Variants in MYO1B observed in about 807,000 individuals in gnomAD.
The protein encoded by MYO1B is myosin IB.
Under a neutral mutation model 159.7 loss-of-function variants are expected in MYO1B, and 72 were observed. The ratio of observed to expected loss-of-function variants is 0.45; its 90% CI spans 0.37 to 0.55. MYO1B has a LOEUF of 0.55. Among genes scored for constraint, MYO1B ranks in the 20% least tolerant of loss-of-function variants. MYO1B has a pLI of 0.00. For synonymous variants in MYO1B, 468 were observed against 473.8 expected (o/e 0.99, Z 0.16); for missense variants, 1,062 against 1,364.8 (o/e 0.78, Z 3.50).
Position 191,364,274 on chromosome 2 carries a change from C to T in MYO1B, c.1030C>T (p.Gln344Ter). The T allele has an allele frequency of 6.2e-7, 1 of 1,609,618 alleles. No homozygotes were observed. The highest frequency in any genetic ancestry group is 8.5e-7 in the Non-Finnish European group (1 of 1,176,028). ...EKVSTTLNVA[Q>*]AYYARDALAK... The stretch of plus-strand genomic sequence containing the variant: ...AGTTTCAACTACACTGAATGTGGCT[C>T]AGGTGGGTGAAACATAATGTACAGA... Residue 344 changes from glutamine to a stop codon, truncating the protein, a stop_gained and splice_region_variant, in exon 11 of 31, where the codon CAG (glutamine) becomes TAG (stop). Coordinates refer to ENST00000392318, the MANE Select transcript of MYO1B (RefSeq NM_001130158.3). LOFTEE classifies it high-confidence loss of function.
At chr2:191,414,344 C>G (rs919832267) in intron 28 of MYO1B, among the ~76,000 whole-genome samples, 164 bp downstream of exon 28, 4 of 152,152 alleles carry the variant, frequency 2.6e-5, no homozygotes, top group African/African-American at 9.7e-5. Context: ...TGCTTGTTCT[C>G]TGACATTTTT....
chr2:191,267,532 A>T (rs1687213471), intron 1 of MYO1B, among the ~76,000 whole-genome samples: 1 of 152,196 alleles, frequency 6.6e-6, no homozygotes, highest in Non-Finnish European at 1.5e-5. Flanking sequence ...GGTGAGGTAA[A>T]TGCCATGAAT....
chr2:191,316,511 T>G (rs1022333118), intron 3 of MYO1B, among the ~76,000 whole-genome samples: 1 of 152,198 alleles, frequency 6.6e-6, no homozygotes, highest in Non-Finnish European at 1.5e-5. Flanking sequence ...AGTGAGTGTG[T>G]GTGTGTGTAT....
At chr2:191,364,825 G>A (rs751872872) in intron 11 of MYO1B, among the ~76,000 whole-genome samples, 4 of 150,386 alleles carry the variant, frequency 2.7e-5, no homozygotes, top group Non-Finnish European at 5.9e-5. Context: ...TTATTAGAGG[G>A]TAGAGGCTAC....
chr2:191,397,753 T>C (rs1273909410), intron 21 of MYO1B, among the ~76,000 whole-genome samples: 4 of 143,136 alleles, frequency 2.8e-5, no homozygotes, highest in Non-Finnish European at 6.1e-5. Flanking sequence ...GGCTCCTCAC[T>C]TCCCAGTAGG....
At chr2:191,379,713 T>C (rs1694929869) in intron 13 of MYO1B, among the ~76,000 whole-genome samples, 1 of 152,146 alleles carries the variant, frequency 6.6e-6, no homozygotes, top group African/African-American at 2.4e-5. Context: ...AAAGATCTGC[T>C]CTTATAAGTT....
At chr2:191,419,594 A>G (rs1697810910) in intron 30 of MYO1B, among the ~76,000 whole-genome samples, 1 of 152,270 alleles carries the variant, frequency 6.6e-6, no homozygotes, top group South Asian at 2.1e-4. Context: ...AGCCTCGGGC[A>G]GGTCCTTAAG....
In MYO1B at chr2:191,254,091, A is replaced by G. The variant is rs891842229; in HGVS notation, c.-10+8465A>G. Among the ~76,000 whole-genome samples the G allele has an allele frequency of 3.9e-5, 6 of 152,326 alleles. No homozygotes were observed. In the Middle Eastern group the frequency reaches 0.01, roughly 259 times the overall value. On this transcript the variant is annotated intron_variant, in intron 1 of 30. Transcript: ENST00000392318. ...TGTATTTGTTTATAAATAGTTCTTG[A>G]TTGATCAAGTTCACATCTAAACCTG...
chr2:191,361,000 A>AT (rs1693635776), intron 8 of MYO1B, among the ~76,000 whole-genome samples: 1 of 152,116 alleles, frequency 6.6e-6, no homozygotes, highest in African/African-American at 2.4e-5. Flanking sequence ...TCTTAAGAAT[A>AT]TTTTTTATGA....
chr2:191,405,766 G>A (rs1043899759), intron 24 of MYO1B, among the ~76,000 whole-genome samples: 1 of 152,248 alleles, frequency 6.6e-6, no homozygotes, highest in Non-Finnish European at 1.5e-5. Context: ...GTAAGCAGAT[G>A]TGCTGTCATC....
At chr2:191,401,464 C>CT (rs1190677909) in intron 23 of MYO1B, 1 of 152,166 alleles carries the variant, frequency 6.6e-6, no homozygotes, top group Admixed American at 6.5e-5. Flanking sequence ...AAACAAAGGC[C>CT]TCCTGAAATA....
intron 2 of MYO1B, among the ~76,000 whole-genome samples, chr2:191,292,577 C>T (rs1185118350): frequency 6.6e-6 from 1 of 152,126 alleles, no homozygotes; most frequent in Non-Finnish European, 1.5e-5. Context: ...GCTTCAGAGA[C>T]AATAGATTGT....
At chr2:191,323,782 A>G (rs903295595) in intron 3 of MYO1B, among the ~76,000 whole-genome samples, 2 of 152,118 alleles carry the variant, frequency 1.3e-5, no homozygotes, top group South Asian at 4.1e-4. Flanking sequence ...TGATGATATT[A>G]TTTTTGTTTT....
Position 191,390,479 on chromosome 2 carries a change from A to G in MYO1B, c.1969A>G (p.Lys657Glu), listed in dbSNP as rs754453637. Residue 657 changes from lysine to glutamate, a missense_variant, in exon 18 of 31, where the codon AAA becomes GAA. Around this residue, in one of 5 missense-constraint regions of MYO1B, gnomAD observed 609 missense variants for 744.4 expected, o/e 0.82. Coordinates refer to ENST00000392318, the MANE Select transcript of MYO1B (RefSeq NM_001130158.3). ...MLCKQTWPHW[K>E]GPARSGVEVL... ...TTGTAAACAAACATGGCCTCATTGG[A>G]AAGGACCAGCCAGGTAAGAAATTCA... 6.2e-7 allele frequency: 1 copy of G among 1,613,786 alleles called. No individual in the cohort carries two copies. Among genetic ancestry groups the G allele is most frequent in the East Asian group, 2.2e-5 (1 of 44,884 alleles).
intron 21 of MYO1B, among the ~76,000 whole-genome samples, chr2:191,399,709 A>T (rs1242643749): frequency 6.6e-6 from 1 of 152,152 alleles, no homozygotes; most frequent in Non-Finnish European, 1.5e-5. Context: ...TCGACAACTT[A>T]AGGGCTTAGC....
chr2:191,268,458 A>G (rs1405688537), intron 1 of MYO1B, among the ~76,000 whole-genome samples: 1 of 152,118 alleles, frequency 6.6e-6, no homozygotes, highest in African/African-American at 2.4e-5. Context: ...TCAACATAAT[A>G]GATTTTGGGA....
rs866568803 is a variant in MYO1B, at chr2:191,332,143, A to G, written c.346+2114A>G. On this transcript the variant is annotated intron_variant, in intron 4 of 30. Coordinates refer to ENST00000392318, the MANE Select transcript of MYO1B (RefSeq NM_001130158.3). Reference sequence around the variant, plus strand: ...ACGCCCGGCTAATTTTTGTATTTTTAGTAGAGATGGGGTTTCACCATGTTG... The same window carrying G: ...ACGCCCGGCTAATTTTTGTATTTTTGGTAGAGATGGGGTTTCACCATGTTG... Among the ~76,000 whole-genome samples the G allele has an allele frequency of 9.2e-5, 14 of 152,118 alleles. No homozygotes were observed. In the Middle Eastern group the frequency reaches 0.017, roughly 185 times the overall value.
At chr2:191,363,394 C>T (rs1693798409) in intron 9 of MYO1B, among the ~76,000 whole-genome samples, 1 of 152,050 alleles carries the variant, frequency 6.6e-6, no homozygotes, top group African/African-American at 2.4e-5. Context: ...TGGAGTTGTG[C>T]AAGTTGGTTT....
chr2:191,420,466 G>A (rs1303836242), intron 30 of MYO1B, among the ~76,000 whole-genome samples: 1 of 152,092 alleles, frequency 6.6e-6, no homozygotes, highest in Non-Finnish European at 1.5e-5. Flanking sequence ...TATTCTTACT[G>A]TACCTTTTCT....
Sources: allele counts gnomAD v4.1 joint callset (sites outside exome capture counted in the v4.1 genomes callset), GRCh38; gene constraint gnomAD v4.1.1; regional missense constraint gnomAD v4.1.1; transcripts MANE v1.5; gene names NCBI Gene and HGNC (gene_info 2026-07-23, HGNC 2026-07-21).